Variants in DOCK9 observed in about 807,000 individuals in gnomAD.
DOCK9 encodes dedicator of cytokinesis protein 9.
In DOCK9, 89 loss-of-function variants were observed where a neutral mutation model predicts 263.3. The ratio of observed to expected loss-of-function variants is 0.34; its 90% CI spans 0.28 to 0.40. The LOEUF (loss-of-function observed/expected upper bound fraction) is 0.40. Ranked by LOEUF, DOCK9 falls within the 10% of genes least tolerant of loss-of-function variation. DOCK9 has a pLI of 1.00. For missense variants in DOCK9, 2,140 were observed against 2,603.4 expected (o/e 0.82, Z 3.87); for synonymous variants, 976 against 973.1 (o/e 1.00, Z -0.06).
At chr13:99,050,646 C>G (rs1465579765) in intron 1 of DOCK9, among the ~76,000 whole-genome samples, 1 of 152,072 alleles carries the variant, frequency 6.6e-6, no homozygotes, top group African/African-American at 2.4e-5. Flanking sequence ...TGAGCTATTG[C>G]ACCACTCCAC....
At chr13:98,863,851 G>A (rs2093945046) in intron 30 of DOCK9, among the ~76,000 whole-genome samples, 1 of 152,112 alleles carries the variant, frequency 6.6e-6, no homozygotes, top group African/African-American at 2.4e-5. Flanking sequence ...CCAATTTTTA[G>A]ACTAGAACAC....
chr13:98,809,327 T>A, intron 47 of DOCK9, 25 bp downstream of exon 47: 2 of 1,580,746 alleles, frequency 1.3e-6, no homozygotes, highest in Non-Finnish European at 8.7e-7. Context: ...CTTAGGACAG[T>A]CTGCAGAATG....
At chr13:98,935,802 T>C (rs1339562450) in intron 2 of DOCK9, among the ~76,000 whole-genome samples, 1 of 151,786 alleles carries the variant, frequency 6.6e-6, no homozygotes. Context: ...AAAAGAAAGG[T>C]TGGAACCCAT....
chr13:99,060,543 G>A (rs973323347), intron 1 of DOCK9, among the ~76,000 whole-genome samples: 2 of 152,128 alleles, frequency 1.3e-5, no homozygotes, highest in South Asian at 2.1e-4. Context: ...CTGAAGAAAC[G>A]CCAAACTGTT....
intron 21 of DOCK9, 118 bp from the exon 22 acceptor site, chr13:98,884,017 T>C: frequency 1.4e-6 from 1 of 696,372 alleles, no homozygotes; most frequent in Non-Finnish European, 2.4e-6. Context: ...TTTAGTGACT[T>C]GGCGACTGTG....
intron 2 of DOCK9, among the ~76,000 whole-genome samples, chr13:98,948,590 G>A (rs1214963270): frequency 6.6e-6 from 1 of 152,144 alleles, no homozygotes; most frequent in African/African-American, 2.4e-5. Flanking sequence ...ATTTTTAAGT[G>A]TACAGTTCAA....
upstream of DOCK9, among the ~76,000 whole-genome samples, chr13:98,982,081 T>C (rs1188303866): frequency 6.6e-6 from 1 of 152,186 alleles, no homozygotes; most frequent in African/African-American, 2.4e-5. Context: ...TTAAAAATGT[T>C]GTAAACCCTG....
At chr13:99,052,471 G>T (rs1229948696) in intron 1 of DOCK9, among the ~76,000 whole-genome samples, 2 of 152,226 alleles carry the variant, frequency 1.3e-5, no homozygotes, top group Non-Finnish European at 2.9e-5. Context: ...CATGGTGTGA[G>T]GTGGTATCTC....
At chr13:98,988,790 G>A (rs1879058483) in intron 1 of DOCK9, among the ~76,000 whole-genome samples, 1 of 152,150 alleles carries the variant, frequency 6.6e-6, no homozygotes, top group Admixed American at 6.5e-5. Context: ...GCTCCTCATG[G>A]TTGAAAAGTA....
chr13:99,047,411 T>C (rs539994962), intron 1 of DOCK9, among the ~76,000 whole-genome samples: 4 of 152,274 alleles, frequency 2.6e-5, no homozygotes, highest in Admixed American at 2.6e-4. Context: ...CTTTTAAACA[T>C]TCTGGGGCCT....
intron 1 of DOCK9, among the ~76,000 whole-genome samples, chr13:98,965,277 G>A (rs966202635): frequency 1.3e-5 from 2 of 152,046 alleles, no homozygotes; most frequent in Admixed American, 6.6e-5. Flanking sequence ...CCCTAACTCA[G>A]GACATTACAA....
chr13:98,935,567 A>G (rs2054677593), intron 2 of DOCK9, among the ~76,000 whole-genome samples: 2 of 152,156 alleles, frequency 1.3e-5, no homozygotes, highest in South Asian at 4.2e-4. Flanking sequence ...TCAGGAGTTC[A>G]AGACCAGCCT....
Position 98,931,384 on chromosome 13 carries a change from C to T in DOCK9, c.244-1127G>A, listed in dbSNP as rs369858606. ...CGCAATCTCAGCTCACTGCCAGCTCCGCCTCCCGGGTTCACGCCATTCTTC... is the reference window on the plus strand; with the variant it reads ...CGCAATCTCAGCTCACTGCCAGCTCTGCCTCCCGGGTTCACGCCATTCTTC... On this transcript the variant is annotated intron_variant, in intron 2 of 52. Coordinates refer to ENST00000682017, the MANE Select transcript of DOCK9 (RefSeq NM_001366683.2). 6.8e-3 allele frequency among the ~76,000 whole-genome samples: 1,025 copies of T among 150,576 alleles called. 16 individuals are homozygous for T. The highest frequency in any genetic ancestry group is 0.047 in the South Asian group (223 of 4,752).
intron 1 of DOCK9, 109 bp from the exon 2 acceptor site, chr13:98,955,660 A>G: frequency 1.4e-6 from 1 of 710,572 alleles, no homozygotes; most frequent in South Asian, 2.2e-5. Flanking sequence ...CAATTAGAGT[A>G]TGCTAGTTTT....
intron 1 of DOCK9, among the ~76,000 whole-genome samples, chr13:99,059,443 T>C (rs903696294): frequency 7.2e-5 from 11 of 151,812 alleles, no homozygotes; most frequent in Non-Finnish European, 1.5e-4. Context: ...CCAACCCCAC[T>C]GAGTTTTAGA....
intron 39 of DOCK9, among the ~76,000 whole-genome samples, chr13:98,835,684 C>CA (rs1555353311): frequency 6.6e-6 from 1 of 150,698 alleles, no homozygotes; most frequent in Non-Finnish European, 1.5e-5. Context: ...GACTGGAGGC[C>CA]AGATATTTAG....
intron 23 of DOCK9, among the ~76,000 whole-genome samples, chr13:98,882,382 G>A (rs1566835922): frequency 6.6e-6 from 1 of 152,124 alleles, no homozygotes; most frequent in Non-Finnish European, 1.5e-5. Context: ...GGGGCCGCAA[G>A]CAATCACATA....
chr13:99,066,188 G>C (rs974687776), intron 1 of DOCK9, among the ~76,000 whole-genome samples: 4 of 152,166 alleles, frequency 2.6e-5, no homozygotes, highest in Admixed American at 2.6e-4. Flanking sequence ...CACTCAAAAA[G>C]TGGTGTTTTT....
chr13:99,053,168 T>C (rs1380781717), intron 1 of DOCK9, among the ~76,000 whole-genome samples: 1 of 152,202 alleles, frequency 6.6e-6, no homozygotes, highest in Non-Finnish European at 1.5e-5. Flanking sequence ...TGTGTTCACA[T>C]CCCTACTGTC....
Sources: gnomAD v4.1 joint callset for allele counts (sites outside exome capture counted in the v4.1 genomes callset) on GRCh38, gnomAD v4.1.1 for gene constraint, MANE v1.5 for transcripts, NCBI Gene and HGNC (gene_info 2026-07-23, HGNC 2026-07-21) for gene names.